PKD1L1: variants seen among roughly 807,000 people sequenced by gnomAD.
The protein encoded by PKD1L1 is polycystin 1 like 1, transient receptor potential channel interacting.
In PKD1L1, 236 loss-of-function variants were observed where a neutral mutation model predicts 323.4. The observed-to-expected ratio is 0.73, with a 90% CI of 0.66 to 0.81. The LOEUF (loss-of-function observed/expected upper bound fraction) is 0.81. Among genes scored for constraint, PKD1L1 ranks in the 40% least tolerant of loss-of-function variants. PKD1L1 has a pLI of 0.00. For missense variants in PKD1L1, 3,320 were observed against 3,508.0 expected (o/e 0.95, Z 1.35); for synonymous variants, 1,344 against 1,335.0 (o/e 1.01, Z -0.15).
chr7:47,880,274 A>T (rs1248864137), intron 21 of PKD1L1, among the ~76,000 whole-genome samples: 1,439 of 69,292 alleles, frequency 0.021, 63 homozygotes, highest in African/African-American at 0.053. Flanking sequence ...ACATATATAT[A>T]TATATATATA....
rs1310899567 is a variant in PKD1L1 at position 47,931,316 on chromosome 7, C to G, written c.525G>C (p.Gln175His). 1.2e-6 allele frequency: 2 copies of G among 1,614,158 alleles called. No homozygotes were observed. The highest frequency in any genetic ancestry group is 2.2e-5 in the South Asian group (2 of 91,080). ...DSTFSALLQLQGTTSAAAPCS... is the reference protein window; with the variant it reads ...DSTFSALLQLHGTTSAAAPCS... ...AGGGAGCTGCTGCAGAAGTGGTGCCCTGGAGCTTAAAAGTTTAAGAACAGT... is the reference window on the plus strand; with the variant it reads ...AGGGAGCTGCTGCAGAAGTGGTGCCGTGGAGCTTAAAAGTTTAAGAACAGT... Residue 175 changes from glutamine to histidine, a missense_variant, in exon 6 of 57, where the codon CAG becomes CAC. Coordinates refer to ENST00000289672, the MANE Select transcript of PKD1L1 (RefSeq NM_138295.5).
At chr7:47,789,131 C>G (rs1016410020) in intron 56 of PKD1L1, among the ~76,000 whole-genome samples, 2 of 152,146 alleles carry the variant, frequency 1.3e-5, no homozygotes, top group African/African-American at 4.8e-5. Context: ...GGAAGCTTTT[C>G]TTCTGTCTCT....
chr7:47,956,086 A>G, the PKD1L1 span, among the ~76,000 whole-genome samples: 1 of 152,320 alleles, frequency 6.6e-6, no homozygotes, highest in East Asian at 1.9e-4. Flanking sequence ...CCCAGTGGCA[A>G]GATTATTGCC....
chr7:47,856,853 A>G (rs1401177289), intron 28 of PKD1L1, among the ~76,000 whole-genome samples: 1 of 152,226 alleles, frequency 6.6e-6, no homozygotes, highest in African/African-American at 2.4e-5. Context: ...TACATCCATC[A>G]GACATTTGAT....
In PKD1L1 at chr7:47,873,113, C is replaced by A. The variant is rs112274574; in HGVS notation, c.3896+786G>T. 2.5e-3 allele frequency among the ~76,000 whole-genome samples: 385 copies of A among 152,194 alleles called. 1 individual carries two copies. The highest frequency in any genetic ancestry group is 8.7e-3 in the African/African-American group (362 of 41,534). On this transcript the variant is annotated intron_variant, in intron 24 of 56. Transcript: ENST00000289672. Reference sequence around the variant, plus strand: ...ATTTATATGAAATTTTCAGAATCAGCAAACCTGTAGATATTAAATAGATTT... The same window carrying A: ...ATTTATATGAAATTTTCAGAATCAGAAAACCTGTAGATATTAAATAGATTT...
intron 40 of PKD1L1, among the ~76,000 whole-genome samples, 195 bp from the exon 41 acceptor site, chr7:47,833,447 G>C (rs951751050): frequency 6.6e-6 from 1 of 152,158 alleles, no homozygotes; most frequent in East Asian, 1.9e-4. Context: ...TACCCCTTGG[G>C]GGACGGTGGG....
At position 47,883,776 on chromosome 7, in the gene PKD1L1, T is replaced by C. The variant is rs563641899; in HGVS notation, c.3265+822A>G. 2.0e-3 allele frequency among the ~76,000 whole-genome samples: 312 copies of C among 152,292 alleles called. 1 individual carries two copies. Among genetic ancestry groups the C allele is most frequent in the African/African-American group, 7.3e-3 (303 of 41,556 alleles). The stretch of plus-strand genomic sequence containing the variant: ...AAATCATTCATTCATCATCCATTAT[T>C]CCCTCGATAGATAAATCATTCACTC... On this transcript the variant is annotated intron_variant, in intron 19 of 56. Transcript: ENST00000289672.
chr7:47,840,475 G>A lies in PKD1L1; in HGVS notation c.5538C>T (p.His1846=). Residue 1846 remains histidine, a synonymous_variant, in exon 35 of 57, where the codon CAC becomes CAT. Transcript: ENST00000289672. The surrounding 1 kb of genome is among the most constrained non-coding windows in gnomAD (Gnocchi z 4.1). The part of the protein sequence containing the change: ...EKPLFERNSR[H]TFILSAPAQL... ...TTTTGGAATACCTCAGGATAAAGGT[G>A]TGTCTGGAATTCCTTTCAAACAGGG... 6.2e-7 allele frequency: 1 copy of A among 1,613,220 alleles called. No homozygotes were observed.
chr7:47,929,046 C>T (rs1027688248), intron 7 of PKD1L1, among the ~76,000 whole-genome samples, 158 bp downstream of exon 7: 7 of 152,252 alleles, frequency 4.6e-5, no homozygotes, highest in Non-Finnish European at 1.0e-4. Context: ...CACCTACGTC[C>T]GCAGTGTGCC....
the PKD1L1 span, among the ~76,000 whole-genome samples, chr7:47,958,206 TAA>T: frequency 6.6e-6 from 1 of 151,998 alleles, no homozygotes; most frequent in Non-Finnish European, 1.5e-5. Context: ...GCCATAAAAC[TAA>T]AGTTATAAAA....
At chr7:47,949,109 G>A (rs956682591), upstream of PKD1L1, among the ~76,000 whole-genome samples, 5 of 151,854 alleles carry the variant, frequency 3.3e-5, no homozygotes, top group African/African-American at 1.2e-4. Context: ...GGTGGCTCAC[G>A]CCTATAATCC....
At chr7:47,818,326 A>C (rs1321533930) in intron 46 of PKD1L1, 4 of 591,318 alleles carry the variant, frequency 6.8e-6, no homozygotes, top group African/African-American at 2.0e-5. Context: ...AATTTTCAAC[A>C]GAGGAAAGTG....
Position 47,840,714 on chromosome 7 carries a change from G to A in PKD1L1, c.5446-147C>T. 1 of 607,418 alleles carries A rather than the reference G, an allele frequency of 1.6e-6. No individual in the cohort carries two copies. The highest frequency in any genetic ancestry group is 1.8e-5 in the African/African-American group (1 of 54,906). 37.6% of individuals were successfully genotyped at this position (607,418 alleles called of 1,614,324 possible). On this transcript the variant is annotated intron_variant, in intron 34 of 56. Coordinates refer to ENST00000289672, the MANE Select transcript of PKD1L1 (RefSeq NM_138295.5). The surrounding 1 kb of genome is among the most constrained non-coding windows in gnomAD (Gnocchi z 4.1). ...GTGGAGTGCCACAGCCTAGAGCCAGGGGATGAGTGGGCACGTCCAGTCCCA... is the reference window on the plus strand; with the variant it reads ...GTGGAGTGCCACAGCCTAGAGCCAGAGGATGAGTGGGCACGTCCAGTCCCA...
rs948915766 is a variant in PKD1L1 at position 47,803,334 on chromosome 7, C to T, written c.7838G>A (p.Trp2613Ter). ...LMASWNQRAR[W>*]LRGILLFLFT... ...GAGGAATAAGAGGATTCCCCGGAGC[C>T]ATCGAGCCCTCTGAGACAGAAGAAC... The change falls in exon 53 of 57, where the codon TGG (tryptophan) becomes TAG (stop). Residue 2613 changes from tryptophan (W) to a stop codon, truncating the protein, a stop_gained. Coordinates refer to ENST00000289672, the MANE Select transcript of PKD1L1 (RefSeq NM_138295.5). LOFTEE classifies it high-confidence loss of function. 6 of 1,613,774 alleles carry T rather than the reference C, an allele frequency of 3.7e-6. No individual in the cohort carries two copies. Among genetic ancestry groups the T allele is most frequent in the East Asian group, 2.2e-5 (1 of 44,898 alleles).
At chr7:47,801,654 A>G (rs1430618379) in intron 53 of PKD1L1, among the ~76,000 whole-genome samples, 2 of 152,166 alleles carry the variant, frequency 1.3e-5, no homozygotes, top group Admixed American at 6.5e-5. Flanking sequence ...CAGGTACCCA[A>G]AGACTTCCCT....
At chr7:47,883,577 G>A (rs77272304) in intron 19 of PKD1L1, among the ~76,000 whole-genome samples, 6,975 of 152,194 alleles carry the variant, frequency 0.046, 381 homozygotes, top group African/African-American at 0.14. Flanking sequence ...TTGTCTCTAG[G>A]ACCTGGGAGT....
rs1787721869 is a variant in PKD1L1, at chr7:47,929,468, C to G, written c.796G>C (p.Gly266Arg). The G allele has an allele frequency of 6.2e-7, 1 of 1,614,148 alleles. No individual in the cohort carries two copies. The highest frequency in any genetic ancestry group is 8.5e-7 in the Non-Finnish European group (1 of 1,180,004). Reference sequence around the variant, plus strand: ...GTAGGGGGATAGAGGATCTCAGAACCAGACTGCGATGCCGTGAAGCTGGGG... The same window carrying G: ...GTAGGGGGATAGAGGATCTCAGAACGAGACTGCGATGCCGTGAAGCTGGGG... ...RTPSFTASQS[G>R]SEILYPPTQH... is the part of the protein sequence containing the mutation. Residue 266 changes from glycine (G) to arginine (R), a missense_variant, in exon 7 of 57, where the codon GGT becomes CGT. By Grantham distance (125) the Gly-to-Arg change is moderately radical. Transcript: ENST00000289672.
chr7:47,878,427 A>T (rs1735293437), intron 21 of PKD1L1, among the ~76,000 whole-genome samples: 1 of 152,170 alleles, frequency 6.6e-6, no homozygotes, highest in African/African-American at 2.4e-5. Context: ...TTACATGTCA[A>T]ATGGTTTAAA....
intron 1 of PKD1L1, among the ~76,000 whole-genome samples, chr7:47,945,300 A>G (rs537426713): frequency 3.3e-5 from 5 of 152,366 alleles, no homozygotes; most frequent in Admixed American, 2.0e-4. Flanking sequence ...TCTAGAGGAT[A>G]TCTACTTTAT....
Sources: allele counts gnomAD v4.1 joint callset (sites outside exome capture counted in the v4.1 genomes callset), GRCh38; gene constraint gnomAD v4.1.1; non-coding constraint Gnocchi (gnomAD v3.1); transcripts MANE v1.5; gene names NCBI Gene and HGNC (gene_info 2026-07-23, HGNC 2026-07-21).